LSAMP: variants seen among roughly 807,000 people sequenced by gnomAD.
The protein encoded by LSAMP is limbic system associated membrane protein, also known as limbic system-associated membrane protein.
In LSAMP, 7 loss-of-function variants were observed where a neutral mutation model predicts 38.6. That is an observed-to-expected ratio of 0.18 (90% CI 0.10 to 0.34). The LOEUF is 0.34. Among genes scored for constraint, LSAMP ranks in the 10% least tolerant of loss-of-function variants. The pLI, the probability that LSAMP is intolerant of heterozygous loss-of-function variation, is 1.00. For missense variants in LSAMP, 313 were observed against 420.0 expected (o/e 0.75, Z 2.23); for synonymous variants, 154 against 166.8 (o/e 0.92, Z 0.59).
chr3:116,321,601 G>A (rs1471455318), intron 1 of LSAMP, among the ~76,000 whole-genome samples: 1 of 152,050 alleles, frequency 6.6e-6, no homozygotes, highest in African/African-American at 2.4e-5. Flanking sequence ...AATTGTCCAA[G>A]ATCATATAGC....
chr3:116,174,191 C>G (rs774022855), intron 1 of LSAMP, among the ~76,000 whole-genome samples: 4 of 151,984 alleles, frequency 2.6e-5, no homozygotes, highest in African/African-American at 4.8e-5. Flanking sequence ...TTCTTATAAA[C>G]TTCCCAAGAC....
intron 1 of LSAMP, among the ~76,000 whole-genome samples, chr3:116,396,498 G>C (rs1223771708): frequency 6.6e-6 from 1 of 151,976 alleles, no homozygotes; most frequent in Non-Finnish European, 1.5e-5. Flanking sequence ...ACTCATTTTG[G>C]TACTCACATA....
chr3:116,316,927 T>C (rs2047637145), intron 1 of LSAMP, among the ~76,000 whole-genome samples: 1 of 151,848 alleles, frequency 6.6e-6, no homozygotes, highest in Non-Finnish European at 1.5e-5. Flanking sequence ...AGAGAGATGT[T>C]TTGGATGATT....
chr3:115,901,001 C>T (rs977466688), intron 3 of LSAMP, among the ~76,000 whole-genome samples: 2 of 152,098 alleles, frequency 1.3e-5, no homozygotes, highest in African/African-American at 4.8e-5. Flanking sequence ...TTTCCTCCAC[C>T]AACACATATT....
At chr3:116,258,322 C>A (rs185997863) in intron 1 of LSAMP, among the ~76,000 whole-genome samples, 3 of 150,842 alleles carry the variant, frequency 2.0e-5, no homozygotes, top group Non-Finnish European at 4.5e-5. Flanking sequence ...TTCAAAATAT[C>A]TTTTATTATC....
At chr3:116,037,795 TCA>T (rs1274433320) in intron 2 of LSAMP, among the ~76,000 whole-genome samples, 5 of 151,930 alleles carry the variant, frequency 3.3e-5, no homozygotes, top group Non-Finnish European at 7.4e-5. Context: ...ATATATATAA[TCA>T]TATATATAAT....
In LSAMP at chr3:116,231,599, A is replaced by G. The variant is rs1363651217; in HGVS notation, c.156-145043T>C. Among the ~76,000 whole-genome samples, 3 of 152,178 alleles carry G rather than the reference A, an allele frequency of 2.0e-5. No individual in the cohort carries two copies. The East Asian group carries it at 5.8e-4, about 29-fold the overall frequency. ...ACCCTTGTCTTCAAAGAATTGATAC[A>G]CTCACCAGAAAAACAAAAGCTAAGC... is the stretch of plus-strand genomic sequence containing the variant. On this transcript the variant is annotated intron_variant, in intron 1 of 6. Transcript: ENST00000490035.
rs371037262 is a variant in LSAMP, at chr3:115,992,323, A to G, written c.514+27192T>C. Among the ~76,000 whole-genome samples the G allele has an allele frequency of 9.2e-5, 14 of 152,068 alleles. No individual in the cohort carries two copies. The South Asian group carries it at 1.5e-3, about 16-fold the overall frequency. On this transcript the variant is annotated intron_variant, in intron 3 of 6. Coordinates refer to ENST00000490035, the MANE Select transcript of LSAMP (RefSeq NM_002338.5). ...GGCCAGAGGAGGGTAAGGGTGTCCA[A>G]GTGATGATTCCCATCTCGCTACTCT...
intron 6 of LSAMP, among the ~76,000 whole-genome samples, chr3:115,824,011 C>T (rs189681008): frequency 8.1e-4 from 124 of 152,308 alleles, no homozygotes; most frequent in African/African-American, 2.5e-3. Flanking sequence ...TAAACACTCT[C>T]AACATAAAGA....
At chr3:116,123,944 A>C (rs1708945939) in intron 1 of LSAMP, among the ~76,000 whole-genome samples, 1 of 152,202 alleles carries the variant, frequency 6.6e-6, no homozygotes. Flanking sequence ...CTTACCATGA[A>C]GATATGATGT....
At chr3:116,204,313 A>G (rs2046033034) in intron 1 of LSAMP, among the ~76,000 whole-genome samples, 1 of 151,692 alleles carries the variant, frequency 6.6e-6, no homozygotes, top group African/African-American at 2.4e-5. Context: ...CCTTTGTCAG[A>G]TGAGTAGGTT....
chr3:116,151,254 C>A (rs1393139157), intron 1 of LSAMP, among the ~76,000 whole-genome samples: 1 of 151,954 alleles, frequency 6.6e-6, no homozygotes, highest in Non-Finnish European at 1.5e-5. Flanking sequence ...GCACAGAGTG[C>A]CCTGGGTTAC....
intron 3 of LSAMP, among the ~76,000 whole-genome samples, chr3:115,911,328 T>C (rs1937129554): frequency 6.6e-6 from 1 of 152,202 alleles, no homozygotes; most frequent in Admixed American, 6.5e-5. Context: ...CTATTATGAA[T>C]AAAGTTGCTA....
intron 1 of LSAMP, among the ~76,000 whole-genome samples, chr3:116,414,326 G>A (rs77920508): frequency 6.8e-4 from 104 of 152,114 alleles, no homozygotes; most frequent in South Asian, 3.3e-3. Context: ...ACCCTGCAGC[G>A]CAGTGGATTT....
chr3:115,869,588 ATGTTC>A (rs1935967868), intron 3 of LSAMP, among the ~76,000 whole-genome samples: 1 of 152,102 alleles, frequency 6.6e-6, no homozygotes, highest in Non-Finnish European at 1.5e-5. Flanking sequence ...TTACTTGCAG[ATGTTC>A]TAGTACTTTA....
chr3:116,396,257 A>C (rs2048765821), intron 1 of LSAMP, among the ~76,000 whole-genome samples: 1 of 152,210 alleles, frequency 6.6e-6, no homozygotes, highest in Non-Finnish European at 1.5e-5. Flanking sequence ...ATCCTCTAAA[A>C]TCTAATTTGA....
rs1395215236 is a variant in LSAMP at position 116,113,407 on chromosome 3, TATATATATATATA to T, written c.156-26864_156-26852del. ...TTTAGAAATATGTTTGCCCTATATA[TATATATATATATA>T]TTTTTTTTTTTTTTTTTTTTTTTGA... On this transcript the variant is annotated intron_variant, in intron 1 of 6. Transcript: ENST00000490035. Among the ~76,000 whole-genome samples the T allele has an allele frequency of 3.0e-3, 201 of 65,924 alleles. 1 individual carries two copies. Among genetic ancestry groups the T allele is most frequent in the South Asian group, 4.3e-3 (7 of 1,624 alleles). 43.2% of individuals were successfully genotyped at this position (65,924 alleles called of 152,430 possible). A position where few individuals can be genotyped will look rare whatever the true frequency, so the allele number is the denominator to read the frequency against.
At position 115,808,171 on chromosome 3, in the gene LSAMP, C is replaced by CCCTG. The variant is rs1236062811; in HGVS notation, c.*2142_*2145dup. 2 of 90,288 alleles carry CCCTG rather than the reference C, an allele frequency of 2.2e-5. No individual in the cohort carries two copies. Among genetic ancestry groups the CCCTG allele is most frequent in the Admixed American group, 2.5e-4 (2 of 7,980 alleles). 5.6% of individuals were successfully genotyped at this position (90,288 alleles called of 1,614,324 possible). The stretch of plus-strand genomic sequence containing the variant: ...CTCCCCCCCTTCCCCGTCCCCCCCT[C>CCCTG]CCTGCCTTCCTTCCTTCCTTCCTTC... On this transcript the variant is annotated 3_prime_UTR_variant, in exon 7 of 7. Coordinates refer to ENST00000490035, the MANE Select transcript of LSAMP (RefSeq NM_002338.5).
At chr3:116,031,538 C>CCTTTT (rs1940923203) in intron 2 of LSAMP, among the ~76,000 whole-genome samples, 2 of 60,238 alleles carry the variant, frequency 3.3e-5, no homozygotes, top group African/African-American at 1.1e-4. Context: ...AGCCTAAATT[C>CCTTTT]TTTTTTTTTT....
Sources: gnomAD v4.1 joint callset for allele counts (sites outside exome capture counted in the v4.1 genomes callset) on GRCh38, gnomAD v4.1.1 for gene constraint, MANE v1.5 for transcripts, NCBI Gene and HGNC (gene_info 2026-07-23, HGNC 2026-07-21) for gene names.